CLTA: variants seen among roughly 807,000 people sequenced by gnomAD.
The protein encoded by CLTA is clathrin light chain A, also known as clathrin, light polypeptide (Lca).
A neutral mutation model predicts 26.9 loss-of-function variants in CLTA; 9 were observed. That is an observed-to-expected ratio of 0.33 (90% CI 0.20 to 0.58). CLTA has a LOEUF of 0.58. CLTA is among the 20% of genes least tolerant of loss of function. The pLI, the probability that CLTA is intolerant of heterozygous loss-of-function variation, is 0.85. For synonymous variants in CLTA, 120 were observed against 115.5 expected (o/e 1.04, Z -0.25); for missense variants, 278 against 294.2 (o/e 0.94, Z 0.40).
intron 4 of CLTA, among the ~76,000 whole-genome samples, chr9:36,206,615 C>T (rs532090272): frequency 5.3e-5 from 8 of 152,104 alleles, no homozygotes; most frequent in Non-Finnish European, 1.0e-4. Context: ...AAATGGGGGC[C>T]GGACACCGTG....
At chr9:36,191,961 A>G (rs1245449109) in intron 1 of CLTA, among the ~76,000 whole-genome samples, 1 of 152,218 alleles carries the variant, frequency 6.6e-6, no homozygotes, top group African/African-American at 2.4e-5. Flanking sequence ...AGATTAGCCT[A>G]AACCAATCAG....
At chr9:36,210,732 T>G in intron 4 of CLTA, 1 of 1,579,240 alleles carries the variant, frequency 6.3e-7, no homozygotes. Context: ...GGCTCTGGGC[T>G]TCAGCGGTGT....
Position 36,210,587 on chromosome 9 carries a change from A to G in CLTA, c.486-1016A>G, listed in dbSNP as rs546548415. ...ATTCTCATTTTCTATATCTGACTTA[A>G]AGTTTCTCTCGTTTCTTTTCTTCTC... On this transcript the variant is annotated intron_variant, in intron 4 of 4. Coordinates refer to ENST00000345519, the MANE Select transcript of CLTA (RefSeq NM_001833.4). 314 of 1,613,984 alleles carry G rather than the reference A, an allele frequency of 1.9e-4. 2 individuals carry two copies. The South Asian group carries it at 3.2e-3, about 17-fold the overall frequency.
At chr9:36,203,127 G>A (rs1827515226) in intron 3 of CLTA, among the ~76,000 whole-genome samples, 1 of 151,946 alleles carries the variant, frequency 6.6e-6, no homozygotes, top group African/African-American at 2.4e-5. Flanking sequence ...GCCACCACAA[G>A]CAGCCGGCAT....
intron 2 of CLTA, among the ~76,000 whole-genome samples, chr9:36,198,702 GAAAAAAAAAA>G (rs546254007): frequency 2.6e-4 from 17 of 66,278 alleles, no homozygotes; most frequent in African/African-American, 9.6e-4. Flanking sequence ...CCCCACCCCA[GAAAAAAAAAA>G]AAAAAAAAGC....
intron 1 of CLTA, among the ~76,000 whole-genome samples, chr9:36,191,552 AC>A (rs1826721847): frequency 6.6e-6 from 1 of 152,132 alleles, no homozygotes; most frequent in African/African-American, 2.4e-5. Flanking sequence ...CAATTCAGCA[AC>A]TTTTCATTAA....
upstream of CLTA, chr9:36,190,909 C>CG (rs1331210698): frequency 1.5e-6 from 2 of 1,355,582 alleles, no homozygotes; most frequent in Non-Finnish European, 9.6e-7. Flanking sequence ...ACCGGATACA[C>CG]GGGTAGGGCT....
intron 4 of CLTA, among the ~76,000 whole-genome samples, chr9:36,205,443 C>T (rs550746098): frequency 6.6e-6 from 1 of 152,268 alleles, no homozygotes; most frequent in African/African-American, 2.4e-5. Flanking sequence ...GATTTTCTCC[C>T]AGGTGGAAGT....
chr9:36,194,482 C>T (rs1826916181), intron 1 of CLTA, among the ~76,000 whole-genome samples: 1 of 152,230 alleles, frequency 6.6e-6, no homozygotes, highest in Non-Finnish European at 1.5e-5. Context: ...ATACCAGGTA[C>T]ACTTTCAGAT....
chr9:36,200,337 C>T (rs1010665400), intron 3 of CLTA, among the ~76,000 whole-genome samples: 1 of 151,770 alleles, frequency 6.6e-6, no homozygotes, highest in African/African-American at 2.4e-5. Flanking sequence ...TTTAGACATA[C>T]ACACACACAA....
chr9:36,190,930 C>G lies in CLTA; in HGVS notation c.-127C>G, dbSNP rs1378287193. ...TACACGGGTAGGGCTTCCGCTTTAC[C>G]CGTCTCCCTCCTGGCGCTTGTCCTC... On this transcript the variant is annotated 5_prime_UTR_variant, in exon 1 of 5. Transcript: ENST00000345519. 2 of 1,409,686 alleles carry G rather than the reference C, an allele frequency of 1.4e-6. No individual in the cohort carries two copies. The highest frequency in any genetic ancestry group is 1.5e-5 in the South Asian group (1 of 64,980). 87.3% of individuals were successfully genotyped at this position (1,409,686 alleles called of 1,614,324 possible).
intron 4 of CLTA, among the ~76,000 whole-genome samples, chr9:36,205,843 T>C (rs528113057): frequency 7.0e-6 from 1 of 142,032 alleles, no homozygotes; most frequent in East Asian, 2.2e-4. Flanking sequence ...CACTGCAAGC[T>C]CCACCTCCTG....
At chr9:36,204,544 A>G (rs1284819627) in intron 4 of CLTA, among the ~76,000 whole-genome samples, 1 of 152,150 alleles carries the variant, frequency 6.6e-6, no homozygotes, top group South Asian at 2.1e-4. Flanking sequence ...GGTCATGTTG[A>G]GTCTCCTCAA....
At chr9:36,199,612 C>T (rs975794366) in intron 3 of CLTA, among the ~76,000 whole-genome samples, 3 of 130,324 alleles carry the variant, frequency 2.3e-5, no homozygotes, top group Non-Finnish European at 4.8e-5. Flanking sequence ...CACTACGTCC[C>T]GCTCATTTTT....
At chr9:36,199,734 G>A (rs1407981651) in intron 3 of CLTA, among the ~76,000 whole-genome samples, 1 of 152,044 alleles carries the variant, frequency 6.6e-6, no homozygotes, top group Non-Finnish European at 1.5e-5. Context: ...GATTACAGGC[G>A]TGAGCCACCG....
intron 4 of CLTA, among the ~76,000 whole-genome samples, chr9:36,208,286 G>T (rs1283311663): frequency 6.6e-6 from 1 of 152,192 alleles, no homozygotes; most frequent in Non-Finnish European, 1.5e-5. Flanking sequence ...GTCAAAGCCA[G>T]CCTGGCCCCT....
intron 4 of CLTA, chr9:36,209,462 A>G: frequency 2.9e-6 from 2 of 678,146 alleles, no homozygotes; most frequent in Non-Finnish European, 5.3e-6. Context: ...AGAATTGATA[A>G]GCGGGGTATG....
chr9:36,190,908 A>T (rs1222320508), upstream of CLTA: 7 of 1,351,724 alleles, frequency 5.2e-6, no homozygotes, highest in Non-Finnish European at 5.8e-6. Context: ...GACCGGATAC[A>T]CGGGTAGGGC....
At chr9:36,205,416 C>T (rs1201493756) in intron 4 of CLTA, among the ~76,000 whole-genome samples, 1 of 152,124 alleles carries the variant, frequency 6.6e-6, no homozygotes, top group East Asian at 1.9e-4. Flanking sequence ...CTCCTGTGTC[C>T]TCTGCTCCCT....
Sources: allele counts gnomAD v4.1 joint callset (sites outside exome capture counted in the v4.1 genomes callset), GRCh38; gene constraint gnomAD v4.1.1; transcripts MANE v1.5; gene names NCBI Gene and HGNC (gene_info 2026-07-23, HGNC 2026-07-21).